Variants in DNMBP observed in about 807,000 individuals in gnomAD.
DNMBP encodes the protein dynamin binding protein.
DNMBP carries 87 observed loss-of-function variants against 150.0 expected under a neutral mutation model. The ratio of observed to expected loss-of-function variants is 0.58; its 90% confidence interval spans 0.49 to 0.69. DNMBP has a LOEUF of 0.69. DNMBP is among the 30% of genes least tolerant of loss of function. The pLI, the probability that DNMBP is intolerant of heterozygous loss-of-function variation, is 0.00. For missense variants in DNMBP, 1,774 were observed against 1,949.0 expected (o/e 0.91, Z 1.69); for synonymous variants, 711 against 750.4 (o/e 0.95, Z 0.86).
chr10:99,993,477 C>T (rs1212702703), intron 1 of DNMBP, among the ~76,000 whole-genome samples: 1 of 152,160 alleles, frequency 6.6e-6, no homozygotes, highest in Non-Finnish European at 1.5e-5. Flanking sequence ...AGTGTCTCTC[C>T]TCTTTCCGAA....
chr10:99,893,018 G>C (rs890849630), intron 11 of DNMBP, among the ~76,000 whole-genome samples: 2 of 152,128 alleles, frequency 1.3e-5, no homozygotes, highest in Admixed American at 1.3e-4. Context: ...ATATAGGTAA[G>C]TCACAGAAAA....
At chr10:99,989,686 G>C (rs529636737) in intron 1 of DNMBP, among the ~76,000 whole-genome samples, 1 of 152,122 alleles carries the variant, frequency 6.6e-6, no homozygotes, top group South Asian at 2.1e-4. Context: ...ACTCCAGCCT[G>C]GGCAACAAGA....
intron 11 of DNMBP, among the ~76,000 whole-genome samples, chr10:99,891,514 G>C (rs528395908): frequency 6.6e-6 from 1 of 151,980 alleles, no homozygotes; most frequent in Non-Finnish European, 1.5e-5. Context: ...GCGTGATCTC[G>C]GCTCGCTACA....
rs2039655557 is a variant in DNMBP, at chr10:99,896,418, GCACTTTCCT to G, written c.2921-30_2921-22del. On this transcript the variant is annotated intron_variant, in intron 9 of 16. Coordinates refer to ENST00000324109, the MANE Select transcript of DNMBP (RefSeq NM_015221.4). ...GAGGACTAGGGAGTAAGTCAGAAAAGCACTTTCCTCAGCATGGGCATACTACAAAATGAG... is the reference window on the plus strand; with the variant it reads ...GAGGACTAGGGAGTAAGTCAGAAAAGCAGCATGGGCATACTACAAAATGAG... The G allele has an allele frequency of 3.7e-6, 6 of 1,613,798 alleles. 1 individual carries two copies. In the South Asian group the frequency reaches 6.6e-5, roughly 18 times the overall value.
At chr10:99,995,354 G>T (rs1309640540) in intron 1 of DNMBP, among the ~76,000 whole-genome samples, 3 of 152,200 alleles carry the variant, frequency 2.0e-5, no homozygotes, top group African/African-American at 7.2e-5. Flanking sequence ...GGCAAAAACA[G>T]AAATCTTATA....
At chr10:99,877,380 T>C (rs765828335) in intron 16 of DNMBP, 44 bp from the exon 17 acceptor site, 10 of 1,529,880 alleles carry the variant, frequency 6.5e-6, no homozygotes, top group East Asian at 2.3e-5. Context: ...CTGGGAGCAA[T>C]GCCATCCAAC....
intron 1 of DNMBP, among the ~76,000 whole-genome samples, chr10:99,992,783 C>T (rs1246412442): frequency 6.6e-6 from 1 of 152,160 alleles, no homozygotes; most frequent in African/African-American, 2.4e-5. Flanking sequence ...GCCTGGGCCT[C>T]CCAAAGTGCT....
intron 1 of DNMBP, among the ~76,000 whole-genome samples, chr10:99,996,961 C>G (rs1318475381): frequency 6.6e-6 from 1 of 152,126 alleles, no homozygotes; most frequent in Non-Finnish European, 1.5e-5. Context: ...AACATCTAGA[C>G]ACTGGTAGCA....
At chr10:99,943,350 T>C (rs947346210) in intron 4 of DNMBP, among the ~76,000 whole-genome samples, 2 of 151,772 alleles carry the variant, frequency 1.3e-5, no homozygotes, top group African/African-American at 4.8e-5. Context: ...TATCTGTTAC[T>C]AGTTTGAGAA....
At chr10:99,952,375 T>G (rs1426989625) in intron 4 of DNMBP, among the ~76,000 whole-genome samples, 2 of 152,232 alleles carry the variant, frequency 1.3e-5, no homozygotes, top group Non-Finnish European at 2.9e-5. Context: ...TTTGGGAATG[T>G]AACACTCAGC....
At chr10:99,922,964 A>G (rs552887027) in intron 4 of DNMBP, among the ~76,000 whole-genome samples, 1 of 152,146 alleles carries the variant, frequency 6.6e-6, no homozygotes, top group South Asian at 2.1e-4. Context: ...ATCTTGTTGC[A>G]TACCAAATAG....
At position 99,886,393 on chromosome 10, in the gene DNMBP, G is replaced by A. The variant is rs2039465178; in HGVS notation, c.3525C>T (p.Ala1175=). 1.2e-6 allele frequency: 2 copies of A among 1,614,166 alleles called. No homozygotes were observed. Among genetic ancestry groups the A allele is most frequent in the Non-Finnish European group, 1.7e-6 (2 of 1,180,032 alleles). ...GGACACAGTTGGTGAAGAGGCCCTG[G>A]GCGTACTGGTGGAACTTGGGCAGCT... The part of the protein sequence containing the change: ...LDELPKFHQY[A]QGLFTNCVHG... Residue 1175 remains alanine (A), a synonymous_variant, in exon 13 of 17, where the codon GCC becomes GCT. Coordinates refer to ENST00000324109, the MANE Select transcript of DNMBP (RefSeq NM_015221.4).
rs562175827 is a variant in DNMBP, at chr10:99,877,004, A to G, written c.*147T>C. ...GGTTTACAACCCAATCGAGGAGAACAAGATCTGTGGTGTGCTCCACCATGC... is the reference window on the plus strand; with the variant it reads ...GGTTTACAACCCAATCGAGGAGAACGAGATCTGTGGTGTGCTCCACCATGC... On this transcript the variant is annotated 3_prime_UTR_variant, in exon 17 of 17. Coordinates refer to ENST00000324109, the MANE Select transcript of DNMBP (RefSeq NM_015221.4). 27 of 623,482 alleles carry G rather than the reference A, an allele frequency of 4.3e-5. No homozygotes were observed. The African/African-American group carries it at 4.7e-4, about 11-fold the overall frequency. The allele number at this position is 623,482 out of a possible 1,614,324, so 38.6% of individuals were successfully genotyped here.
intron 3 of DNMBP, among the ~76,000 whole-genome samples, chr10:99,964,224 C>A (rs1420370482): frequency 6.8e-6 from 1 of 147,028 alleles, no homozygotes; most frequent in African/African-American, 2.5e-5. Flanking sequence ...CTCGCTGCAA[C>A]CTCTGCTTTC....
At chr10:99,935,258 T>C (rs1337186073) in intron 4 of DNMBP, among the ~76,000 whole-genome samples, 1 of 152,098 alleles carries the variant, frequency 6.6e-6, no homozygotes, top group Non-Finnish European at 1.5e-5. Context: ...CAAATGAACA[T>C]CAAGTGCTTG....
chr10:99,943,865 G>A (rs1387630504), intron 4 of DNMBP, among the ~76,000 whole-genome samples: 3 of 152,228 alleles, frequency 2.0e-5, no homozygotes, highest in Non-Finnish European at 4.4e-5. Context: ...TCATTCTCCA[G>A]CTTGTTAATC....
chr10:99,964,617 T>A (rs1370116992), intron 3 of DNMBP, among the ~76,000 whole-genome samples: 1 of 149,894 alleles, frequency 6.7e-6, no homozygotes, highest in Non-Finnish European at 1.5e-5. Flanking sequence ...ATGCCTGTAA[T>A]CCCAGCACTT....
At chr10:99,963,938 T>C (rs3121876) in intron 3 of DNMBP, among the ~76,000 whole-genome samples, 13 of 152,236 alleles carry the variant, frequency 8.5e-5, no homozygotes, top group East Asian at 7.7e-4. Flanking sequence ...CACAAATTTA[T>C]AACACATGTG....
At chr10:99,937,516 C>T (rs1340220099) in intron 4 of DNMBP, among the ~76,000 whole-genome samples, 1 of 152,232 alleles carries the variant, frequency 6.6e-6, no homozygotes, top group Non-Finnish European at 1.5e-5. Context: ...TGTTTGATTT[C>T]ATGGCACTAG....
Sources: allele counts gnomAD v4.1 joint callset (sites outside exome capture counted in the v4.1 genomes callset), GRCh38; gene constraint gnomAD v4.1.1; transcripts MANE v1.5; gene names NCBI Gene and HGNC (gene_info 2026-07-23, HGNC 2026-07-21).